The following PRR5 variants were observed in gnomAD, a reference collection of about 807,000 sequenced individuals.
PRR5 encodes the protein proline rich 5, also known as proline-rich protein 5.
In PRR5, 25 loss-of-function variants were observed where a neutral mutation model predicts 30.6. The ratio of observed to expected loss-of-function variants is 0.82; its 90% CI spans 0.60 to 1.14. PRR5 has a LOEUF of 1.14. PRR5 is among the 50% of genes most tolerant of loss of function. PRR5 has a pLI of 0.00. For synonymous variants in PRR5, 286 were observed against 247.1 expected (o/e 1.16, Z -1.48); for missense variants, 600 against 547.1 (o/e 1.10, Z -0.96).
intron 4 of PRR5, among the ~76,000 whole-genome samples, chr22:44,728,523 A>AGAAAG (rs1300271672): frequency 1.3e-5 from 2 of 152,250 alleles, no homozygotes; most frequent in Non-Finnish European, 2.9e-5. Flanking sequence ...GTCCTGGGGA[A>AGAAAG]GAAAGGGTTC....
At chr22:44,720,609 G>T (rs1929780522) in intron 2 of PRR5, among the ~76,000 whole-genome samples, 1 of 152,198 alleles carries the variant, frequency 6.6e-6, no homozygotes, top group Non-Finnish European at 1.5e-5. Flanking sequence ...CTACTTACAC[G>T]CTTGGGAGGT....
chr22:44,719,256 T>A (rs8138563), intron 2 of PRR5, among the ~76,000 whole-genome samples: 1 of 148,586 alleles, frequency 6.7e-6, no homozygotes, highest in East Asian at 2.0e-4. Context: ...ATTTTTTTTT[T>A]ATTTTTTGTA....
intron 2 of PRR5, among the ~76,000 whole-genome samples, chr22:44,715,425 G>A (rs905281270): frequency 2.0e-5 from 3 of 152,196 alleles, no homozygotes; most frequent in Admixed American, 2.0e-4. Context: ...CAGTGGACTG[G>A]CCAGACTTTC....
chr22:44,729,671 C>T (rs1921563915), intron 4 of PRR5: 1 of 985,348 alleles, frequency 1.0e-6, no homozygotes, highest in Admixed American at 6.1e-5. Context: ...AGAGGGGCCC[C>T]CACAGGACAG....
rs1426446338 is a variant in PRR5 at position 44,693,451 on chromosome 22, C to T, written c.-10-9041C>T. Among the ~76,000 whole-genome samples, 7 of 136,986 alleles carry T rather than the reference C, an allele frequency of 5.1e-5. No individual in the cohort carries two copies. In the East Asian group the frequency reaches 1.4e-3, roughly 26 times the overall value. The allele number at this position is 136,986 out of a possible 152,430, so 89.9% of individuals were successfully genotyped here. On this transcript the variant is annotated intron_variant, in intron 1 of 8. Transcript: ENST00000006251. ...TTCAGCCTGGGTGACAGAGCAAGACCCTGTCTCAAAAAAAAAGTGTCAGCA... is the reference window on the plus strand; with the variant it reads ...TTCAGCCTGGGTGACAGAGCAAGACTCTGTCTCAAAAAAAAAGTGTCAGCA...
intron 2 of PRR5, among the ~76,000 whole-genome samples, chr22:44,716,650 T>G (rs921291284): frequency 3.3e-5 from 5 of 152,206 alleles, no homozygotes; most frequent in African/African-American, 9.6e-5. Flanking sequence ...GTGGGTTGCT[T>G]GAGGTCACAG....
chr22:44,735,586 C>T (rs1205284610), intron 7 of PRR5, among the ~76,000 whole-genome samples: 2 of 152,182 alleles, frequency 1.3e-5, no homozygotes, highest in South Asian at 2.1e-4. Context: ...GACTGCTTGG[C>T]GCGTCCAGCA....
At chr22:44,704,139 C>T (rs2147016600) in intron 1 of PRR5, among the ~76,000 whole-genome samples, 1 of 152,312 alleles carries the variant, frequency 6.6e-6, no homozygotes, top group African/African-American at 2.4e-5. Flanking sequence ...GCCCTCAACA[C>T]AGTGCTTAGC....
intron 1 of PRR5, among the ~76,000 whole-genome samples, chr22:44,680,735 C>T (rs1924203055): frequency 6.7e-6 from 1 of 150,288 alleles, no homozygotes; most frequent in African/African-American, 2.4e-5. Context: ...GACCCCCCCA[C>T]ACACACCAGG....
chr22:44,672,185 C>T (rs1344292409), upstream of PRR5, among the ~76,000 whole-genome samples: 1 of 152,216 alleles, frequency 6.6e-6, no homozygotes, highest in African/African-American at 2.4e-5. Context: ...CCTTCTGTCC[C>T]CTGCCCCAGA....
chr22:44,690,424 G>T (rs1028419310), intron 1 of PRR5, among the ~76,000 whole-genome samples: 1 of 152,158 alleles, frequency 6.6e-6, no homozygotes, highest in Non-Finnish European at 1.5e-5. Context: ...GGTGGGGTTG[G>T]GGGGAACCTG....
intron 6 of PRR5, among the ~76,000 whole-genome samples, chr22:44,732,976 CTA>C (rs1922476535): frequency 2.0e-5 from 3 of 149,854 alleles, no homozygotes; most frequent in East Asian, 1.9e-4. Context: ...CGCATACACA[CTA>C]CACACATACA....
chr22:44,703,369 A>T (rs1029272219), intron 1 of PRR5, among the ~76,000 whole-genome samples: 1 of 149,056 alleles, frequency 6.7e-6, no homozygotes. Flanking sequence ...GAGGCTGTGG[A>T]CGTTGCCCCT....
At chr22:44,727,956 C>T (rs1181919372) in intron 4 of PRR5, among the ~76,000 whole-genome samples, 1 of 152,218 alleles carries the variant, frequency 6.6e-6, no homozygotes, top group East Asian at 1.9e-4. Flanking sequence ...GCATTTGGCA[C>T]CTGACGAAGA....
At chr22:44,704,050 CT>C (rs1293280590) in intron 1 of PRR5, among the ~76,000 whole-genome samples, 7 of 152,328 alleles carry the variant, frequency 4.6e-5, no homozygotes, top group Admixed American at 2.6e-4. Flanking sequence ...CCTCAATTTC[CT>C]TATCCATAAA....
At chr22:44,706,248 T>C (rs1927177529) in intron 1 of PRR5, among the ~76,000 whole-genome samples, 2 of 152,156 alleles carry the variant, frequency 1.3e-5, no homozygotes, top group Non-Finnish European at 2.9e-5. Context: ...AACTGAGTCA[T>C]TGATTGATTG....
rs755863921 is a variant in PRR5 at position 44,730,778 on chromosome 22, AC to A, written c.323-950del. 8.9e-6 allele frequency: 6 copies of A among 677,254 alleles called. No individual in the cohort carries two copies. In the African/African-American group the frequency reaches 9.8e-5, roughly 11 times the overall value. The allele number at this position is 677,254 out of a possible 1,614,324, so 42.0% of individuals were successfully genotyped here. The stretch of plus-strand genomic sequence containing the variant: ...GGAAGGGGTCTCCGTGGATCCCCAG[AC>A]CTGACCACAGGCAGAGCTGGCCTGG... On this transcript the variant is annotated intron_variant, in intron 4 of 7. Transcript: ENST00000336985.
At chr22:44,682,103 A>C (rs962316148) in intron 1 of PRR5, among the ~76,000 whole-genome samples, 1 of 152,174 alleles carries the variant, frequency 6.6e-6, no homozygotes, top group Admixed American at 6.5e-5. Context: ...CAGAGCTGAG[A>C]TGTCCTCAGG....
At chr22:44,723,076 C>T (rs1930185876) in intron 2 of PRR5, among the ~76,000 whole-genome samples, 1 of 151,862 alleles carries the variant, frequency 6.6e-6, no homozygotes, top group African/African-American at 2.4e-5. Flanking sequence ...ACCTCCGCCT[C>T]CCGAGTTCAA....
Sources: gnomAD v4.1 joint callset for allele counts (sites outside exome capture counted in the v4.1 genomes callset) on GRCh38, gnomAD v4.1.1 for gene constraint, MANE v1.5 for transcripts, NCBI Gene and HGNC (gene_info 2026-07-23, HGNC 2026-07-21) for gene names.